Variants in PTBP3 observed in about 807,000 individuals in gnomAD.
PTBP3 encodes polypyrimidine tract-binding protein 3.
Under a neutral mutation model 58.7 loss-of-function variants are expected in PTBP3, and 20 were observed. The observed-to-expected ratio is 0.34, with a 90% CI of 0.24 to 0.50. PTBP3 has a LOEUF of 0.50. PTBP3 is among the 20% of genes least tolerant of loss of function. The pLI is 0.98. For missense variants in PTBP3, 509 were observed against 637.2 expected (o/e 0.80, Z 2.17); for synonymous variants, 185 against 219.8 (o/e 0.84, Z 1.40).
chr9:112,302,303 T>C (rs969368332), intron 1 of PTBP3, among the ~76,000 whole-genome samples: 11 of 151,634 alleles, frequency 7.3e-5, no homozygotes, highest in Non-Finnish European at 1.5e-4. Context: ...AAAGGAAAAA[T>C]TGACGAGAAA....
At chr9:112,328,593 G>A (rs1830245744) in intron 1 of PTBP3, among the ~76,000 whole-genome samples, 1 of 152,156 alleles carries the variant, frequency 6.6e-6, no homozygotes, top group African/African-American at 2.4e-5. Flanking sequence ...CCAGCACTTT[G>A]AGAGGCCAAG....
rs114813840 is a variant in PTBP3 at position 112,269,362 on chromosome 9, A to T, written c.205-1167T>A. Reference sequence around the variant, plus strand: ...ATTGAGAAACACTAATAATACCCAGAGTCTTAAACAGAGATGGGGCAAAAT... The same window carrying T: ...ATTGAGAAACACTAATAATACCCAGTGTCTTAAACAGAGATGGGGCAAAAT... On this transcript the variant is annotated intron_variant, in intron 3 of 13. Coordinates refer to ENST00000374257, the MANE Select transcript of PTBP3 (RefSeq NM_001163788.4). 8.6e-3 allele frequency among the ~76,000 whole-genome samples: 1,312 copies of T among 152,242 alleles called. 23 individuals carry two copies. The highest frequency in any genetic ancestry group is 0.03 in the African/African-American group (1,251 of 41,530).
chr9:112,342,772 G>C, the PTBP3 span, among the ~76,000 whole-genome samples: 2 of 113,974 alleles, frequency 1.8e-5, no homozygotes, highest in Admixed American at 9.4e-5. Flanking sequence ...AAAAATAAAC[G>C]TGTAGGCATG....
intron 2 of PTBP3, among the ~76,000 whole-genome samples, chr9:112,293,574 C>A (rs150793030): frequency 8.0e-4 from 122 of 152,316 alleles, no homozygotes; most frequent in African/African-American, 2.8e-3. Context: ...AGACCCTTCA[C>A]CCTCGCCCCC....
At chr9:112,320,291 A>AATATATATATATATAT (rs1288195199) in intron 1 of PTBP3, among the ~76,000 whole-genome samples, 14 of 73,522 alleles carry the variant, frequency 1.9e-4, no homozygotes, top group African/African-American at 1.0e-3. Flanking sequence ...AAAAAAAAAA[A>AATATATATATATATAT]ATATATATAT....
At chr9:112,233,529 CTTAA>C (rs1444450665) in intron 8 of PTBP3, among the ~76,000 whole-genome samples, 1 of 152,024 alleles carries the variant, frequency 6.6e-6, no homozygotes, top group Non-Finnish European at 1.5e-5. Context: ...AGAATATTCA[CTTAA>C]TTAAACATAT....
In PTBP3 at chr9:112,220,333, G is replaced by C; in HGVS notation, c.*3518C>G. On this transcript the variant is annotated 3_prime_UTR_variant, in exon 14 of 14. Transcript: ENST00000374257. ...GTAATCCCAGCACTGTGGGGAGGTG[G>C]AAGCAGGAGAATCACTTGAGCCCAG... 1 of 1,291,998 alleles carries C rather than the reference G, an allele frequency of 7.7e-7. No homozygotes were observed. The allele number at this position is 1,291,998 out of a possible 1,614,324, so 80.0% of individuals were successfully genotyped here.
At chr9:112,333,027 G>A (rs933922418) in intron 1 of PTBP3, 2 of 1,272,548 alleles carry the variant, frequency 1.6e-6, no homozygotes, top group Admixed American at 4.1e-5. Flanking sequence ...GCCCCACCTC[G>A]CCGGTAAACA....
chr9:112,220,237 T>C lies in PTBP3; in HGVS notation c.*3614A>G. On this transcript the variant is annotated 3_prime_UTR_variant, in exon 14 of 14. Coordinates refer to ENST00000374257, the MANE Select transcript of PTBP3 (RefSeq NM_001163788.4). The stretch of plus-strand genomic sequence containing the variant: ...AAACTGCATGACAATATGCTAAACA[T>C]GTAAGCACTGCTGACTGATGGCACG... 4 of 1,347,020 alleles carry C rather than the reference T, an allele frequency of 3.0e-6. No individual in the cohort carries two copies. Among genetic ancestry groups the C allele is most frequent in the Non-Finnish European group, 3.9e-6 (4 of 1,019,694 alleles). 83.4% of individuals were successfully genotyped at this position (1,347,020 alleles called of 1,614,324 possible).
At chr9:112,288,522 CCA>C (rs371549349) in intron 2 of PTBP3, among the ~76,000 whole-genome samples, 10 of 152,188 alleles carry the variant, frequency 6.6e-5, no homozygotes, top group Middle Eastern at 3.4e-3. Flanking sequence ...CCCCCAACCC[CCA>C]CAGTCTAGAA....
At chr9:112,338,974 T>C in the PTBP3 span, among the ~76,000 whole-genome samples, 1 of 152,212 alleles carries the variant, frequency 6.6e-6, no homozygotes, top group Non-Finnish European at 1.5e-5. Flanking sequence ...AGCACTTTTC[T>C]GAAAAGGGGA....
chr9:112,265,596 T>C (rs1035728042), intron 4 of PTBP3, among the ~76,000 whole-genome samples: 1 of 152,070 alleles, frequency 6.6e-6, no homozygotes, highest in Admixed American at 6.5e-5. Flanking sequence ...ATCCAAGCTT[T>C]TGGAATTCAA....
rs557877038 is a variant in PTBP3 at position 112,274,231 on chromosome 9, T to A, written c.204+1613A>T. Among the ~76,000 whole-genome samples the A allele has an allele frequency of 5.2e-4, 79 of 152,342 alleles. 1 individual carries two copies. The highest frequency in any genetic ancestry group is 1.8e-3 in the African/African-American group (75 of 41,588). ...ATTTAAGAGGATATTAAATAAGTGATTTACTAAATATAGGGAACTCAGACA... is the reference window on the plus strand; with the variant it reads ...ATTTAAGAGGATATTAAATAAGTGAATTACTAAATATAGGGAACTCAGACA... On this transcript the variant is annotated intron_variant, in intron 3 of 13. Coordinates refer to ENST00000374257, the MANE Select transcript of PTBP3 (RefSeq NM_001163788.4).
intron 1 of PTBP3, among the ~76,000 whole-genome samples, chr9:112,313,340 A>G (rs1203011376): frequency 6.6e-6 from 1 of 152,164 alleles, no homozygotes; most frequent in Non-Finnish European, 1.5e-5. Context: ...AAGCACTGGG[A>G]CTACAGGTGT....
the PTBP3 span, among the ~76,000 whole-genome samples, chr9:112,365,180 A>C: frequency 2.0e-5 from 3 of 151,710 alleles, no homozygotes; most frequent in Non-Finnish European, 2.9e-5. Flanking sequence ...ATGTATCTAT[A>C]TATGTATGTA....
chr9:112,246,830 A>G (rs1835898631), intron 7 of PTBP3, among the ~76,000 whole-genome samples: 1 of 152,210 alleles, frequency 6.6e-6, no homozygotes, highest in Non-Finnish European at 1.5e-5. Flanking sequence ...CACTTTAATA[A>G]GTGATCAAAG....
At chr9:112,252,853 A>G (rs907298168) in intron 5 of PTBP3, 65 bp from the exon 6 acceptor site, 4 of 929,342 alleles carry the variant, frequency 4.3e-6, no homozygotes, top group Non-Finnish European at 6.6e-6. Context: ...ATCTTTATAA[A>G]TACAACTTGT....
Position 112,262,731 on chromosome 9 carries a change from T to C in PTBP3, c.352-132A>G, listed in dbSNP as rs1350004193. On this transcript the variant is annotated intron_variant, in intron 4 of 13. Coordinates refer to ENST00000374257, the MANE Select transcript of PTBP3 (RefSeq NM_001163788.4). The stretch of plus-strand genomic sequence containing the variant: ...AAGATTTATCTACTCCGTCTGGAGA[T>C]ACATATCCTAAATTTGTAATCAGTC... 5 of 721,204 alleles carry C rather than the reference T, an allele frequency of 6.9e-6. No homozygotes were observed. In the African/African-American group the frequency reaches 7.4e-5, roughly 11 times the overall value. 44.7% of individuals were successfully genotyped at this position (721,204 alleles called of 1,614,324 possible).
At chr9:112,297,810 T>TAAA (rs200517232) in intron 2 of PTBP3, 22 bp downstream of exon 2, 556 of 1,166,952 alleles carry the variant, frequency 4.8e-4, no homozygotes, top group East Asian at 1.3e-3. Context: ...AATCAAATAT[T>TAAA]AAAAAAAAAA....
Sources: allele counts gnomAD v4.1 joint callset (sites outside exome capture counted in the v4.1 genomes callset), GRCh38; gene constraint gnomAD v4.1.1; transcripts MANE v1.5; gene names NCBI Gene and HGNC (gene_info 2026-07-23, HGNC 2026-07-21).